The following CYRIB variants were observed in gnomAD, a reference collection of about 807,000 sequenced individuals.
CYRIB encodes the protein CYFIP related Rac1 interactor B.
In CYRIB, 8 loss-of-function variants were observed where a neutral mutation model predicts 44.2. The observed-to-expected ratio is 0.18, with a 90% CI of 0.11 to 0.33. The LOEUF is 0.33. Among genes scored for constraint, CYRIB ranks in the 10% least tolerant of loss-of-function variants. CYRIB has a pLI of 1.00. For missense variants in CYRIB, 185 were observed against 382.8 expected, an observed-to-expected ratio of 0.48 and a Z score of 4.31; for synonymous variants, 131 against 127.2, an observed-to-expected ratio of 1.03 and a Z score of -0.20.
chr8:129,972,566 C>T (rs1057055623), intron 1 of CYRIB, among the ~76,000 whole-genome samples: 8 of 151,980 alleles, frequency 5.3e-5, no homozygotes, highest in Non-Finnish European at 4.4e-5. Context: ...CAGAGCAACC[C>T]GTCTCCAAAG....
chr8:129,931,342 A>G (rs1448009954), intron 1 of CYRIB, among the ~76,000 whole-genome samples: 2 of 152,228 alleles, frequency 1.3e-5, no homozygotes, highest in African/African-American at 4.8e-5. Flanking sequence ...ATATAAAGAA[A>G]GCAAACTAAT....
In CYRIB at chr8:129,900,979, A is replaced by T. The variant is rs148240083; in HGVS notation, c.-11+2333T>A. On this transcript the variant is annotated intron_variant, in intron 2 of 11. Coordinates refer to ENST00000519824, the Ensembl canonical transcript of CYRIB. ...GTGTGCCACCACGCGCCCAGCCCTG[A>T]TACTTGTTTTTTACATATTTACTTC... Among the ~76,000 whole-genome samples the T allele has an allele frequency of 7.2e-5, 11 of 152,290 alleles. No homozygotes were observed. The East Asian group carries it at 2.1e-3, about 29-fold the overall frequency.
upstream of CYRIB, chr8:130,016,509 G>GGCAGCAGCA (rs543173556): frequency 5.1e-5 from 8 of 157,916 alleles, no homozygotes; most frequent in South Asian, 1.6e-4. Flanking sequence ...CCGCCGCGGC[G>GGCAGCAGCA]GCAGCAGCAG....
intron 11 of CYRIB, among the ~76,000 whole-genome samples, chr8:129,843,118 G>A (rs930341143): frequency 2.0e-5 from 3 of 152,168 alleles, no homozygotes; most frequent in East Asian, 1.9e-4. Context: ...CCTAGCAGAC[G>A]GAGAAAGATA....
rs992239226 is a variant in CYRIB at position 129,879,562 on chromosome 8, T to C, written c.-10-91A>G. 4 of 930,592 alleles carry C rather than the reference T, an allele frequency of 4.3e-6. No individual in the cohort carries two copies. In the African/African-American group the frequency reaches 6.7e-5, roughly 16 times the overall value. The allele number at this position is 930,592 out of a possible 1,614,324, so 57.6% of individuals were successfully genotyped here. A position where few individuals can be genotyped will look rare whatever the true frequency, so the allele number is the denominator to read the frequency against. On this transcript the variant is annotated intron_variant, in intron 2 of 11. Coordinates refer to ENST00000519824, the Ensembl canonical transcript of CYRIB. ...TAAAGAAAAATAGTAACAGGGAAAATGTTCATTAGGCCATGAATTCATTCT... is the reference window on the plus strand; with the variant it reads ...TAAAGAAAAATAGTAACAGGGAAAACGTTCATTAGGCCATGAATTCATTCT...
chr8:129,881,345 T>C (rs569791755), intron 2 of CYRIB, among the ~76,000 whole-genome samples: 26 of 152,312 alleles, frequency 1.7e-4, no homozygotes, highest in African/African-American at 6.0e-4. Flanking sequence ...AATTGCTATG[T>C]GTTTTTCTCC....
chr8:129,983,436 C>T (rs1039824221), intron 1 of CYRIB, among the ~76,000 whole-genome samples: 2 of 152,074 alleles, frequency 1.3e-5, no homozygotes, highest in Non-Finnish European at 2.9e-5. Flanking sequence ...CAGAGCAAGA[C>T]TCCATCTCAA....
intron 1 of CYRIB, among the ~76,000 whole-genome samples, chr8:129,971,958 CTTA>C (rs2095711074): frequency 1.3e-5 from 2 of 152,216 alleles, no homozygotes; most frequent in African/African-American, 2.4e-5. Context: ...TCTAGACACT[CTTA>C]TTATTGAATG....
chr8:129,999,128 T>C (rs73398790), intron 1 of CYRIB, among the ~76,000 whole-genome samples: 3,036 of 146,266 alleles, frequency 0.021, 93 homozygotes, highest in African/African-American at 0.07. Context: ...GAGAATAACG[T>C]GGGGGGGGTG....
chr8:130,006,594 T>TTTTATA (rs2097073770), intron 1 of CYRIB, among the ~76,000 whole-genome samples: 2 of 15,322 alleles, frequency 1.3e-4, no homozygotes, highest in African/African-American at 8.2e-4. Context: ...AAAACACAAA[T>TTTTATA]TATATATATA....
At chr8:130,015,801 A>T (rs1240100652) in intron 1 of CYRIB, among the ~76,000 whole-genome samples, 3 of 152,236 alleles carry the variant, frequency 2.0e-5, no homozygotes, top group Non-Finnish European at 2.9e-5. Context: ...ATAAAAGGCG[A>T]AGAGGAAGTG....
chr8:130,010,782 C>T (rs533656909), intron 1 of CYRIB, among the ~76,000 whole-genome samples: 21 of 152,166 alleles, frequency 1.4e-4, no homozygotes, highest in Non-Finnish European at 2.9e-4. Flanking sequence ...TCAGCATCAG[C>T]CTGGCTCCTG....
intron 1 of CYRIB, among the ~76,000 whole-genome samples, chr8:129,977,678 C>T (rs763998398): frequency 6.6e-6 from 1 of 152,058 alleles, no homozygotes; most frequent in Admixed American, 6.6e-5. Flanking sequence ...ACTACAGGCG[C>T]CCGCCACCAC....
intron 1 of CYRIB, among the ~76,000 whole-genome samples, chr8:129,982,794 T>G (rs572622221): frequency 2.0e-5 from 3 of 152,316 alleles, no homozygotes; most frequent in East Asian, 3.9e-4. Flanking sequence ...AACCCTTGCC[T>G]GTTTTAAATT....
At chr8:129,911,249 C>T (rs916443648) in intron 1 of CYRIB, among the ~76,000 whole-genome samples, 8 of 152,184 alleles carry the variant, frequency 5.3e-5, no homozygotes, top group African/African-American at 1.7e-4. Context: ...AAAATTAAAC[C>T]CTTTTCATTG....
At chr8:129,856,918 T>C (rs1459752239) in intron 5 of CYRIB, among the ~76,000 whole-genome samples, 1 of 152,228 alleles carries the variant, frequency 6.6e-6, no homozygotes, top group Non-Finnish European at 1.5e-5. Context: ...TGTAACTTTA[T>C]AAAACATTAA....
At chr8:129,868,580 C>G (rs552987163) in intron 4 of CYRIB, 25 of 152,108 alleles carry the variant, frequency 1.6e-4, no homozygotes, top group Admixed American at 1.4e-3. Flanking sequence ...GTGAACTATG[C>G]GTGGCTATGT....
intron 2 of CYRIB, among the ~76,000 whole-genome samples, chr8:129,882,502 T>C (rs1163313949): frequency 6.6e-6 from 1 of 152,152 alleles, no homozygotes; most frequent in Admixed American, 6.5e-5. Context: ...TAAACCTGAG[T>C]CCTTATCAAC....
At chr8:129,959,177 A>C (rs555989337) in intron 2 of CYRIB, among the ~76,000 whole-genome samples, 2 of 152,048 alleles carry the variant, frequency 1.3e-5, no homozygotes, top group Non-Finnish European at 2.9e-5. Context: ...TCATTCAACA[A>C]ATCTTTTTAG....
Sources: allele counts gnomAD v4.1 joint callset (sites outside exome capture counted in the v4.1 genomes callset), GRCh38; gene constraint gnomAD v4.1.1; transcripts MANE v1.5; gene names NCBI Gene and HGNC (gene_info 2026-07-23, HGNC 2026-07-21).